PAQR5: variants seen among roughly 807,000 people sequenced by gnomAD.
PAQR5 encodes the protein progestin and adipoQ receptor family member 5, also known as membrane progestin receptor gamma.
A neutral mutation model predicts 34.5 loss-of-function variants in PAQR5; 20 were observed. The observed-to-expected ratio is 0.58, with a 90% CI of 0.41 to 0.84. The LOEUF (loss-of-function observed/expected upper bound fraction) is 0.84, where lower values mean the gene tolerates loss of function less well. Among genes scored for constraint, PAQR5 ranks in the 40% least tolerant of loss-of-function variants. The probability of loss-of-function intolerance (pLI) is 0.00; values close to 1 mark genes in which losing one functional copy is unlikely to be tolerated. For synonymous variants in PAQR5, 131 were observed against 155.6 expected (o/e 0.84, Z 1.18); for missense variants, 378 against 412.7 (o/e 0.92, Z 0.73).
At chr15:69,330,922 G>A (rs2054364701) in intron 1 of PAQR5, among the ~76,000 whole-genome samples, 2 of 152,204 alleles carry the variant, frequency 1.3e-5, no homozygotes, top group African/African-American at 2.4e-5. Context: ...CCTGCCCATG[G>A]TTCGGTGGCC....
intron 1 of PAQR5, among the ~76,000 whole-genome samples, chr15:69,317,737 A>AC (rs2053987940): frequency 6.6e-6 from 1 of 152,120 alleles, no homozygotes; most frequent in African/African-American, 2.4e-5. Flanking sequence ...ATTGAAATGC[A>AC]CCCGGGGTGC....
At chr15:69,386,177 G>C (rs536965265) in intron 5 of PAQR5, among the ~76,000 whole-genome samples, 1 of 148,270 alleles carries the variant, frequency 6.7e-6, no homozygotes, top group Non-Finnish European at 1.5e-5. Flanking sequence ...GCTCATATAC[G>C]CACACATACT....
rs774333479 is a variant in PAQR5, at chr15:69,379,906, G to C, written c.75G>C (p.Leu25=). 3.7e-6 allele frequency: 6 copies of C among 1,613,972 alleles called. No individual in the cohort carries two copies. In the Admixed American group the frequency reaches 6.7e-5, roughly 18 times the overall value. The part of the protein sequence containing the change: ...IPQVFHEQGI[L]FGYRHPQSSA... Reference sequence around the variant, plus strand: ...AGGTGTTCCATGAGCAAGGCATCCTGTTCGGCTACCGCCATCCACAGAGTT... The same window carrying C: ...AGGTGTTCCATGAGCAAGGCATCCTCTTCGGCTACCGCCATCCACAGAGTT... Residue 25 remains leucine, a synonymous_variant, in exon 4 of 9, where the codon CTG becomes CTC. Transcript: ENST00000395407.
At chr15:69,394,179 A>G (rs1407401704) in intron 6 of PAQR5, among the ~76,000 whole-genome samples, 1 of 147,252 alleles carries the variant, frequency 6.8e-6, no homozygotes, top group African/African-American at 2.5e-5. Flanking sequence ...AGTGAGGGCG[A>G]GAGATTAATT....
intron 3 of PAQR5, chr15:69,379,556 G>A: frequency 1.0e-6 from 1 of 985,448 alleles, no homozygotes; most frequent in Non-Finnish European, 1.2e-6. Context: ...TGGGCTGTAG[G>A]CCCCAGGCAG....
At chr15:69,308,320 G>A (rs2415037) in intron 1 of PAQR5, among the ~76,000 whole-genome samples, 69,432 of 152,094 alleles carry the variant, frequency 0.46, 16,622 homozygotes, top group East Asian at 0.61. Context: ...TCAGAGAATG[G>A]AATCTGGCCA....
At chr15:69,388,537 T>C (rs934260156) in intron 5 of PAQR5, among the ~76,000 whole-genome samples, 1 of 152,334 alleles carries the variant, frequency 6.6e-6, no homozygotes, top group South Asian at 2.1e-4. Context: ...TTTGCCCCAG[T>C]TGGCATCTGC....
intron 3 of PAQR5, among the ~76,000 whole-genome samples, chr15:69,367,997 T>C (rs1439264067): frequency 6.6e-6 from 1 of 151,978 alleles, no homozygotes; most frequent in African/African-American, 2.4e-5. Context: ...AGTGGCTCAG[T>C]TCGGAAGAGT....
chr15:69,300,012 G>A (rs987434742), intron 1 of PAQR5, among the ~76,000 whole-genome samples: 1 of 152,238 alleles, frequency 6.6e-6, no homozygotes, highest in African/African-American at 2.4e-5. Flanking sequence ...TCAGCCATTT[G>A]CTGGAGAAAC....
At chr15:69,370,640 C>G (rs1242495432) in intron 3 of PAQR5, among the ~76,000 whole-genome samples, 2 of 152,204 alleles carry the variant, frequency 1.3e-5, no homozygotes, top group African/African-American at 4.8e-5. Context: ...CTGCCTCAGC[C>G]TCCCGAGTAG....
intron 3 of PAQR5, 55 bp downstream of exon 3, chr15:69,360,186 C>T: frequency 7.3e-7 from 1 of 1,369,342 alleles, no homozygotes; most frequent in East Asian, 2.3e-5. Context: ...CAGGGCTTGG[C>T]CTCCGCAATG....
intron 2 of PAQR5, among the ~76,000 whole-genome samples, chr15:69,351,770 C>G (rs910061026): frequency 6.6e-6 from 1 of 152,246 alleles, no homozygotes; most frequent in East Asian, 1.9e-4. Flanking sequence ...AATTCAGGGG[C>G]CTTCTACCTC....
intron 1 of PAQR5, among the ~76,000 whole-genome samples, chr15:69,311,250 G>A (rs1353766201): frequency 6.6e-6 from 1 of 151,862 alleles, no homozygotes. Flanking sequence ...GAATTGGATG[G>A]CTACACGTTG....
intron 2 of PAQR5, among the ~76,000 whole-genome samples, chr15:69,357,598 T>C (rs944097386): frequency 6.6e-6 from 1 of 152,200 alleles, no homozygotes; most frequent in Non-Finnish European, 1.5e-5. Flanking sequence ...AAGAATGGAC[T>C]GATACCACCA....
rs1347394495 is a variant in PAQR5, at chr15:69,351,343, A to G, written c.-115-8623A>G. 3.3e-5 allele frequency among the ~76,000 whole-genome samples: 5 copies of G among 152,392 alleles called. No homozygotes were observed. In the East Asian group the frequency reaches 5.8e-4, roughly 18 times the overall value. ...AAGACAGATGGATCCTGAAGAATCC[A>G]GAAGACAGTGGATTATCACAAGCTT... On this transcript the variant is annotated intron_variant, in intron 2 of 8. Coordinates refer to ENST00000395407, the MANE Select transcript of PAQR5 (RefSeq NM_017705.4).
At chr15:69,393,025 T>G (rs2056314671) in intron 6 of PAQR5, among the ~76,000 whole-genome samples, 1 of 151,896 alleles carries the variant, frequency 6.6e-6, no homozygotes, top group Admixed American at 6.6e-5. Flanking sequence ...AAAAAAATCC[T>G]ACGCACTCAG....
chr15:69,397,409 T>G (rs778772400), intron 6 of PAQR5, 59 bp from the exon 7 acceptor site: 22 of 1,122,868 alleles, frequency 2.0e-5, no homozygotes, highest in Non-Finnish European at 2.9e-5. Flanking sequence ...CATGTGCGTA[T>G]GCAATTTGCT....
rs780299040 is a variant in PAQR5 at position 69,360,053 on chromosome 15, C to T, written c.-28C>T. On this transcript the variant is annotated 5_prime_UTR_variant, in exon 3 of 9. Coordinates refer to ENST00000395407, the MANE Select transcript of PAQR5 (RefSeq NM_017705.4). Reference sequence around the variant, plus strand: ...CCTGGTAACAGGGAGGCGCTGTCACCTACTGGCCTTGCCAATCCAGCTCCA... The same window carrying T: ...CCTGGTAACAGGGAGGCGCTGTCACTTACTGGCCTTGCCAATCCAGCTCCA... 1 of 1,607,964 alleles carries T rather than the reference C, an allele frequency of 6.2e-7. No homozygotes were observed. Among genetic ancestry groups the T allele is most frequent in the Non-Finnish European group, 8.5e-7 (1 of 1,174,710 alleles).
intron 2 of PAQR5, among the ~76,000 whole-genome samples, chr15:69,351,038 G>A (rs1445868893): frequency 2.0e-5 from 3 of 152,206 alleles, no homozygotes; most frequent in Non-Finnish European, 4.4e-5. Context: ...TGGAGTTTTA[G>A]CTCGGGTCTG....
Sources: allele counts gnomAD v4.1 joint callset (sites outside exome capture counted in the v4.1 genomes callset), GRCh38; gene constraint gnomAD v4.1.1; transcripts MANE v1.5; gene names NCBI Gene and HGNC (gene_info 2026-07-23, HGNC 2026-07-21).